ZC3H3: variants seen among roughly 807,000 people sequenced by gnomAD.
The protein encoded by ZC3H3 is zinc finger CCCH-type containing 3.
ZC3H3 carries 36 observed loss-of-function variants against 77.3 expected under a neutral mutation model. The observed-to-expected ratio is 0.47, with a 90% CI of 0.36 to 0.61. The LOEUF (loss-of-function observed/expected upper bound fraction) is 0.61. ZC3H3 is among the 20% of genes least tolerant of loss of function. ZC3H3 has a pLI of 0.00. For synonymous variants in ZC3H3, 626 were observed against 555.2 expected (o/e 1.13, Z -1.79); for missense variants, 1,331 against 1,312.2 (o/e 1.01, Z -0.22).
rs930544402 is a variant in ZC3H3 at position 143,468,064 on chromosome 8, G to A, written c.2175+145C>T. Reference sequence around the variant, plus strand: ...GCAAAGCCTGCAATGGGGTAGAGACGGTACAGCAGACTCTAAGGACGCCAG... The same window carrying A: ...GCAAAGCCTGCAATGGGGTAGAGACAGTACAGCAGACTCTAAGGACGCCAG... On this transcript the variant is annotated intron_variant, in intron 8 of 11. Coordinates refer to ENST00000262577, the MANE Select transcript of ZC3H3 (RefSeq NM_015117.3). The A allele has an allele frequency of 5.1e-5, 51 of 997,098 alleles. 1 individual carries two copies. Among genetic ancestry groups the A allele is most frequent in the Middle Eastern group, 3.3e-4 (1 of 3,004 alleles). The allele number at this position is 997,098 out of a possible 1,614,324, so 61.8% of individuals were successfully genotyped here.
Position 143,440,210 on chromosome 8 carries a change from A to AGGGGAT in ZC3H3, c.2640_2645dup (p.Ser881_Pro882dup). 6.2e-7 allele frequency: 1 copy of AGGGGAT among 1,609,234 alleles called. No homozygotes were observed. Among genetic ancestry groups the AGGGGAT allele is most frequent in the Non-Finnish European group, 8.5e-7 (1 of 1,178,640 alleles). The stretch of plus-strand genomic sequence containing the variant: ...GTGCCTCGTGGTCCAAGGAAGCGGG[A>AGGGGAT]GGGGATGAGGAGGAGGAGGAGGAGG... On this transcript the variant is annotated inframe_insertion, in exon 11 of 12. Coordinates refer to ENST00000262577, the MANE Select transcript of ZC3H3 (RefSeq NM_015117.3).
intron 9 of ZC3H3, among the ~76,000 whole-genome samples, chr8:143,443,284 C>CA (rs34765299): frequency 0.3 from 18,062 of 60,820 alleles, 2,739 homozygotes; most frequent in Non-Finnish European, 0.37. Context: ...GACCCTGTCT[C>CA]AAAAAAAAAA....
chr8:143,524,439 G>A (rs778206590), intron 3 of ZC3H3, among the ~76,000 whole-genome samples: 1 of 152,350 alleles, frequency 6.6e-6, no homozygotes, highest in Non-Finnish European at 1.5e-5. Flanking sequence ...GACTGTGCTG[G>A]TCAGACACAC....
intron 3 of ZC3H3, among the ~76,000 whole-genome samples, chr8:143,532,774 G>GGCAC (rs1313734114): frequency 6.6e-6 from 1 of 152,220 alleles, no homozygotes; most frequent in Non-Finnish European, 1.5e-5. Flanking sequence ...CTTGCAGGAG[G>GGCAC]GCACCTGGGG....
At chr8:143,438,997 G>A (rs908287881) in intron 11 of ZC3H3, among the ~76,000 whole-genome samples, 50 of 152,318 alleles carry the variant, frequency 3.3e-4, no homozygotes, top group African/African-American at 8.7e-4. Context: ...TGGCCAAGCA[G>A]GGGAGGTTTC....
At chr8:143,491,395 G>A (rs887829652) in intron 4 of ZC3H3, among the ~76,000 whole-genome samples, 3 of 152,242 alleles carry the variant, frequency 2.0e-5, no homozygotes, top group African/African-American at 7.2e-5. Flanking sequence ...TCTCACCAGG[G>A]AGCTCCTGCA....
chr8:143,442,708 T>C (rs1199028417), intron 9 of ZC3H3, among the ~76,000 whole-genome samples: 2 of 152,198 alleles, frequency 1.3e-5, no homozygotes, highest in Non-Finnish European at 1.5e-5. Context: ...GAGGTGTGGG[T>C]GTTGGTGTAA....
intron 3 of ZC3H3, among the ~76,000 whole-genome samples, chr8:143,512,352 G>A (rs1821896119): frequency 6.6e-6 from 1 of 152,224 alleles, no homozygotes; most frequent in Non-Finnish European, 1.5e-5. Context: ...TCTCCACACT[G>A]CCTATGTCCT....
chr8:143,444,177 T>C (rs1242394147), intron 9 of ZC3H3, among the ~76,000 whole-genome samples: 1 of 152,134 alleles, frequency 6.6e-6, no homozygotes, highest in African/African-American at 2.4e-5. Flanking sequence ...GGTTTCACCT[T>C]GTTAGCCAGG....
intron 9 of ZC3H3, among the ~76,000 whole-genome samples, chr8:143,446,725 C>T (rs1013570179): frequency 2.0e-5 from 3 of 152,270 alleles, no homozygotes; most frequent in Non-Finnish European, 2.9e-5. Context: ...AGCTGCCGAG[C>T]GTGACAGGCC....
intron 4 of ZC3H3, among the ~76,000 whole-genome samples, chr8:143,483,337 G>A (rs531791720): frequency 1.5e-4 from 23 of 152,324 alleles, no homozygotes; most frequent in African/African-American, 5.1e-4. Context: ...CCTCCCTCCC[G>A]GTTTCTCCTG....
intron 8 of ZC3H3, 118 bp from the exon 9 acceptor site, chr8:143,465,966 A>C: frequency 7.9e-6 from 11 of 1,391,430 alleles, no homozygotes; most frequent in Non-Finnish European, 9.6e-6. Flanking sequence ...CGGCACCAGC[A>C]GGCAGGAAGG....
chr8:143,466,117 C>T (rs1008635052), intron 8 of ZC3H3, among the ~76,000 whole-genome samples: 3 of 152,200 alleles, frequency 2.0e-5, no homozygotes, highest in Admixed American at 6.5e-5. Context: ...GCCTCAGGGG[C>T]GCCCTCCTCT....
chr8:143,475,438 G>A lies in ZC3H3; in HGVS notation c.1863C>T (p.Gly621=), dbSNP rs748464198. ...VSANKLSKTS[G]QPSDAGSRPL... ...GCCTGCTGCCCGCATCACTGGGCTG[G>A]CCGGAGGTCTTGGAGAGCTTGTTGG... Residue 621 remains glycine (G), a synonymous_variant, in exon 5 of 12, where the codon GGC becomes GGT. Transcript: ENST00000262577. 30 of 1,612,994 alleles carry A rather than the reference G, an allele frequency of 1.9e-5. No individual in the cohort carries two copies. Among genetic ancestry groups the A allele is most frequent in the Admixed American group, 8.3e-5 (5 of 59,984 alleles).
chr8:143,464,202 G>A (rs769379766), intron 9 of ZC3H3, among the ~76,000 whole-genome samples: 36 of 152,232 alleles, frequency 2.4e-4, no homozygotes, highest in South Asian at 2.1e-4. Context: ...GCCGCGGCGC[G>A]GACACACGGA....
At chr8:143,478,662 A>G (rs577660054) in intron 4 of ZC3H3, among the ~76,000 whole-genome samples, 2 of 152,318 alleles carry the variant, frequency 1.3e-5, no homozygotes, top group Admixed American at 1.3e-4. Context: ...GGCATGTGCC[A>G]ACACGCCCGG....
At chr8:143,466,571 A>C (rs1586891635) in intron 8 of ZC3H3, among the ~76,000 whole-genome samples, 2 of 152,306 alleles carry the variant, frequency 1.3e-5, no homozygotes, top group Non-Finnish European at 2.9e-5. Context: ...TGGCTGGGCT[A>C]GGGCCACCCA....
intron 9 of ZC3H3, among the ~76,000 whole-genome samples, chr8:143,453,719 C>T (rs186954514): frequency 2.0e-5 from 3 of 152,316 alleles, no homozygotes; most frequent in Admixed American, 6.5e-5. Context: ...ACCAGACTTT[C>T]CATCTCTTCC....
intron 4 of ZC3H3, among the ~76,000 whole-genome samples, chr8:143,503,820 G>A (rs1042580465): frequency 3.3e-5 from 5 of 151,590 alleles, no homozygotes; most frequent in East Asian, 1.9e-4. Flanking sequence ...GCTCCCCACC[G>A]CCTCCTCCAT....
Sources: gnomAD v4.1 joint callset for allele counts (sites outside exome capture counted in the v4.1 genomes callset) on GRCh38, gnomAD v4.1.1 for gene constraint, MANE v1.5 for transcripts, NCBI Gene and HGNC (gene_info 2026-07-23, HGNC 2026-07-21) for gene names.